The following KTN1 variants were observed in gnomAD, a reference collection of about 807,000 sequenced individuals.
KTN1 encodes the protein kinectin 1.
A neutral mutation model predicts 222.5 loss-of-function variants in KTN1; 130 were observed. The observed-to-expected ratio is 0.58, with a 90% CI of 0.51 to 0.68. The LOEUF (loss-of-function observed/expected upper bound fraction) is 0.68, where lower values mean the gene tolerates loss of function less well. Among genes scored for constraint, KTN1 ranks in the 30% least tolerant of loss-of-function variants. The probability of loss-of-function intolerance (pLI) is 0.00; values close to 1 mark genes in which losing one functional copy is unlikely to be tolerated. For synonymous variants in KTN1, 512 were observed against 496.3 expected (o/e 1.03, Z -0.42); for missense variants, 1,508 against 1,500.4 (o/e 1.01, Z -0.08).
At chr14:55,673,946 A>G (rs1275244044) in intron 40 of KTN1, 1 of 152,142 alleles carries the variant, frequency 6.6e-6, no homozygotes, top group Non-Finnish European at 1.5e-5. Context: ...TGTTTCAAAC[A>G]GCAATTGTTA....
intron 1 of KTN1, among the ~76,000 whole-genome samples, chr14:55,590,467 C>T (rs1000361856): frequency 7.2e-5 from 11 of 152,178 alleles, no homozygotes; most frequent in African/African-American, 2.6e-4. Context: ...GTATCTAATA[C>T]CCAGTTTGAG....
At chr14:55,627,869 C>A in intron 5 of KTN1, 43 bp from the exon 6 acceptor site, 1 of 1,097,500 alleles carries the variant, frequency 9.1e-7, no homozygotes, top group Admixed American at 1.7e-5. Flanking sequence ...TTTATTAGCC[C>A]ATGGTAACTA....
At position 55,637,835 on chromosome 14, in the gene KTN1, G is replaced by A. The variant is rs2041317494; in HGVS notation, c.1773G>A (p.Gln591=). ...LKAQIQQFHS[Q]IAAQTSASVL... is the part of the protein sequence containing the mutation. ...CTCAAATTCAGCAGTTCCATTCCCAGATAGCAGCCCAGGTAATGATGCTTT... is the reference window on the plus strand; with the variant it reads ...CTCAAATTCAGCAGTTCCATTCCCAAATAGCAGCCCAGGTAATGATGCTTT... Residue 591 remains glutamine (Q), a synonymous_variant, in exon 12 of 44, where the codon CAG becomes CAA. Transcript: ENST00000395314. 2 of 1,610,720 alleles carry A rather than the reference G, an allele frequency of 1.2e-6. No homozygotes were observed. Among genetic ancestry groups the A allele is most frequent in the Admixed American group, 1.7e-5 (1 of 59,838 alleles).
intron 31 of KTN1, among the ~76,000 whole-genome samples, chr14:55,660,519 G>A (rs932166714): frequency 1.1e-4 from 16 of 150,790 alleles, no homozygotes; most frequent in Non-Finnish European, 1.5e-4. Flanking sequence ...ACCACATTAA[G>A]TATATTAATA....
intron 1 of KTN1, among the ~76,000 whole-genome samples, chr14:55,608,885 C>T (rs919274219): frequency 5.3e-5 from 8 of 152,094 alleles, no homozygotes; most frequent in African/African-American, 1.9e-4. Context: ...CTGCCTCGGC[C>T]TCCCAAAGTG....
At chr14:55,597,859 A>T (rs941418700) in intron 1 of KTN1, among the ~76,000 whole-genome samples, 8 of 152,132 alleles carry the variant, frequency 5.3e-5, no homozygotes, top group African/African-American at 1.9e-4. Context: ...CTCAAAAAAA[A>T]AAAGTAGAAA....
At chr14:55,585,059 G>GAGGT (rs1326901411) in intron 1 of KTN1, among the ~76,000 whole-genome samples, 21 of 150,788 alleles carry the variant, frequency 1.4e-4, no homozygotes. Context: ...TTGAGCCAGG[G>GAGGT]AGGTGGAGGT....
chr14:55,637,443 A>T, intron 11 of KTN1, 79 bp downstream of exon 11: 1 of 981,058 alleles, frequency 1.0e-6, no homozygotes. Flanking sequence ...AGAGAGACTA[A>T]AGTCTACCTT....
In KTN1 at chr14:55,673,235, C is replaced by T. The variant is rs770230763; in HGVS notation, c.3751C>T (p.Gln1251Ter). 2.5e-6 allele frequency: 4 copies of T among 1,611,756 alleles called. No individual in the cohort carries two copies. The highest frequency in any genetic ancestry group is 2.5e-6 in the Non-Finnish European group (3 of 1,178,288). The change falls in exon 40 of 44, where the codon CAG (glutamine) becomes TAG (stop). Residue 1251 changes from glutamine to a stop codon, truncating the protein, a stop_gained. Coordinates refer to ENST00000395314, the MANE Select transcript of KTN1 (RefSeq NM_001079521.2). LOFTEE classifies it high-confidence loss of function. ...LDDSYSEAVR[Q>*]NEELNLLKAQ... ...TGATTCATATTCTGAAGCAGTAAGA[C>T]AGAATGAAGAGCTAAATTTGGTAAG...
Position 55,671,037 on chromosome 14 carries a change from TTTAA to T in KTN1, c.3348+231_3348+234del, listed in dbSNP as rs200656788. On this transcript the variant is annotated intron_variant, in intron 35 of 43. Transcript: ENST00000395314. ...GTTTGCCATTCCTTTAACTCTGTAT[TTTAA>T]TTGTTTCTAAAATTGAATATTTATC... Among the ~76,000 whole-genome samples the T allele has an allele frequency of 3.2e-3, 490 of 152,320 alleles. 3 individuals carry two copies. The highest frequency in any genetic ancestry group is 7.8e-3 in the African/African-American group (325 of 41,572).
chr14:55,657,720 T>C (rs1045295890), intron 29 of KTN1, among the ~76,000 whole-genome samples: 1 of 151,912 alleles, frequency 6.6e-6, no homozygotes, highest in Non-Finnish European at 1.5e-5. Flanking sequence ...AGACCAAACA[T>C]GGCCAACGTG....
chr14:55,596,087 G>A (rs1417361850), intron 1 of KTN1, among the ~76,000 whole-genome samples: 3 of 141,966 alleles, frequency 2.1e-5, no homozygotes, highest in Non-Finnish European at 4.5e-5. Flanking sequence ...CCTGGGAGGC[G>A]GAGCTTACAG....
At position 55,595,483 on chromosome 14, in the gene KTN1, A is replaced by G. The variant is rs551216539; in HGVS notation, c.-31+15129A>G. Among the ~76,000 whole-genome samples, 39 of 152,254 alleles carry G rather than the reference A, an allele frequency of 2.6e-4. No homozygotes were observed. The South Asian group carries it at 7.7e-3, about 30-fold the overall frequency. On this transcript the variant is annotated intron_variant, in intron 1 of 43. Transcript: ENST00000395314. ...ACTCAGAGTAACACAGGATAATACA[A>G]ATCTTACGTTCTGAAACCTTTAATT...
rs551758607 is a variant in KTN1 at position 55,643,019 on chromosome 14, C to T, written c.2172+1259C>T. On this transcript the variant is annotated intron_variant, in intron 18 of 43. Transcript: ENST00000395314. The stretch of plus-strand genomic sequence containing the variant: ...CCACCTCCCAGGTTAAAGCCATTCT[C>T]GTGCCTCAGTCTCCTGAGTAGCTGG... 4.6e-5 allele frequency among the ~76,000 whole-genome samples: 7 copies of T among 152,104 alleles called. No individual in the cohort carries two copies. The South Asian group carries it at 8.3e-4, about 18-fold the overall frequency.
intron 2 of KTN1, among the ~76,000 whole-genome samples, chr14:55,614,170 G>A (rs2038012210): frequency 6.6e-6 from 1 of 152,168 alleles, no homozygotes; most frequent in Non-Finnish European, 1.5e-5. Context: ...GTGCCAGGGA[G>A]CTAGGACTTC....
chr14:55,651,623 G>C (rs2042939208), intron 24 of KTN1: 3 of 429,000 alleles, frequency 7.0e-6, no homozygotes, highest in Non-Finnish European at 1.3e-5. Context: ...TGCTTCACTT[G>C]ACTAGCCTAA....
chr14:55,648,778 T>A (rs74053645), intron 20 of KTN1, 24 bp from the exon 21 acceptor site: 1 of 1,495,300 alleles, frequency 6.7e-7, no homozygotes, highest in Non-Finnish European at 9.3e-7. Context: ...AAAATCATGT[T>A]TTGCTTATGT....
At chr14:55,639,037 C>T (rs190819960) in intron 12 of KTN1, 148 bp from the exon 13 acceptor site, 1 of 519,842 alleles carries the variant, frequency 1.9e-6, no homozygotes, top group East Asian at 2.9e-5. Flanking sequence ...GATAGTTACT[C>T]TTTATTGAAC....
chr14:55,633,272 C>A lies in KTN1; in HGVS notation c.1259C>A (p.Ala420Asp). Reference protein sequence around the residue: ...QVREQMEAEIAHLKQENGILR... With the variant: ...QVREQMEAEIDHLKQENGILR... ...CGTGAGCAGATGGAGGCAGAGATAG[C>A]TCACTTGAAGCAGGAAAATGGTATA... The change falls in exon 8 of 44, where the codon GCT becomes GAT. Residue 420 changes from alanine (A) to aspartate (D), a missense_variant. Transcript: ENST00000395314. 1 of 1,597,660 alleles carries A rather than the reference C, an allele frequency of 6.3e-7. No homozygotes were observed. Among genetic ancestry groups the A allele is most frequent in the East Asian group, 2.3e-5 (1 of 43,724 alleles).
Sources: gnomAD v4.1 joint callset for allele counts (sites outside exome capture counted in the v4.1 genomes callset) on GRCh38, gnomAD v4.1.1 for gene constraint, MANE v1.5 for transcripts, NCBI Gene and HGNC (gene_info 2026-07-23, HGNC 2026-07-21) for gene names.